RASGRF1: variants seen among roughly 807,000 people sequenced by gnomAD.
RASGRF1 encodes the protein Ras protein specific guanine nucleotide releasing factor 1.
A neutral mutation model predicts 138.7 loss-of-function variants in RASGRF1; 40 were observed. That is an observed-to-expected ratio of 0.29 (90% CI 0.22 to 0.38). RASGRF1 has a LOEUF of 0.38. Among genes scored for constraint, RASGRF1 ranks in the 10% least tolerant of loss-of-function variants. The probability of loss-of-function intolerance (pLI) is 1.00; values close to 1 mark genes in which losing one functional copy is unlikely to be tolerated. For synonymous variants in RASGRF1, 614 were observed against 663.2 expected, an observed-to-expected ratio of 0.93 and a Z score of 1.14; for missense variants, 1,108 against 1,650.4, an observed-to-expected ratio of 0.67 and a Z score of 5.69.
chr15:79,060,641 T>A (rs2057591446), intron 2 of RASGRF1, among the ~76,000 whole-genome samples: 1 of 152,180 alleles, frequency 6.6e-6, no homozygotes, highest in Admixed American at 6.5e-5. Flanking sequence ...CATAAGCACA[T>A]GATGAACTGT....
chr15:79,059,788 CAT>C (rs1327344592), intron 2 of RASGRF1, among the ~76,000 whole-genome samples: 2 of 152,172 alleles, frequency 1.3e-5, no homozygotes, highest in Non-Finnish European at 2.9e-5. Context: ...GAATATTATA[CAT>C]ACAGCGCGAG....
At chr15:79,059,964 T>TCA (rs1469119649) in intron 2 of RASGRF1, among the ~76,000 whole-genome samples, 13 of 124,256 alleles carry the variant, frequency 1.0e-4, no homozygotes, top group Non-Finnish European at 2.2e-4. Flanking sequence ...ACTGATACAC[T>TCA]CACACACACA....
intron 8 of RASGRF1, among the ~76,000 whole-genome samples, 172 bp downstream of exon 8, chr15:79,031,214 GCTTGAGTTGTAACC>G (rs2057131783): frequency 6.6e-6 from 1 of 152,162 alleles, no homozygotes; most frequent in Admixed American, 6.5e-5. Flanking sequence ...GCCTACCGGG[GCTTGAGTTGTAACC>G]CCCTCAGGAC....
chr15:79,061,431 T>C lies in RASGRF1; in HGVS notation c.384-2950A>G, dbSNP rs533018225. Among the ~76,000 whole-genome samples the C allele has an allele frequency of 4.1e-5, 6 of 144,622 alleles. 1 individual carries two copies. The South Asian group carries it at 1.3e-3, about 32-fold the overall frequency. The allele number at this position is 144,622 out of a possible 152,430, so 94.9% of individuals were successfully genotyped here. A position where few individuals can be genotyped will look rare whatever the true frequency, so the allele number is the denominator to read the frequency against. ...TCTTTAAAATATATATATATATATA[T>C]CATTCATTTTTAAAATTTGAGGTTT... is the stretch of plus-strand genomic sequence containing the variant. On this transcript the variant is annotated intron_variant, in intron 2 of 26. Coordinates refer to ENST00000558480, the MANE Select transcript of RASGRF1 (RefSeq NM_001145648.3).
chr15:79,044,766 T>C (rs2057337318), intron 5 of RASGRF1, among the ~76,000 whole-genome samples: 2 of 152,222 alleles, frequency 1.3e-5, no homozygotes, highest in Non-Finnish European at 2.9e-5. Flanking sequence ...CCCTTTCCTC[T>C]TTCTCATTTG....
Position 79,006,427 on chromosome 15 carries a change from C to T in RASGRF1, c.1834G>A (p.Ala612Thr), listed in dbSNP as rs371488660. 54 of 1,610,824 alleles carry T rather than the reference C, an allele frequency of 3.4e-5. 1 individual carries two copies. Among genetic ancestry groups the T allele is most frequent in the African/African-American group, 1.7e-4 (13 of 74,876 alleles). ...VTVPQMIKSD[A>T]SLYCDDVDIR... Reference sequence around the variant, plus strand: ...TCAACATCATCACAATATAAGGAGGCGTCGGACCTGAGAGGGGAGGAAGGA... The same window carrying T: ...TCAACATCATCACAATATAAGGAGGTGTCGGACCTGAGAGGGGAGGAAGGA... Residue 612 changes from alanine (A) to threonine (T), a missense_variant, in exon 14 of 27, where the codon GCC becomes ACC. This residue lies in a region of RASGRF1 where 686 missense variants were observed against 976.7 expected (regional missense o/e 0.70). Transcript: ENST00000558480. This position sits in a 1 kb window ranked among gnomAD's most constrained non-coding sequence, Gnocchi z 4.0.
intron 1 of RASGRF1, among the ~76,000 whole-genome samples, chr15:79,086,996 C>T (rs982063192): frequency 6.6e-6 from 1 of 152,164 alleles, no homozygotes. Flanking sequence ...CTTGCAGCTG[C>T]CAGATGGAAT....
chr15:79,033,459 C>T (rs920765862), intron 6 of RASGRF1, among the ~76,000 whole-genome samples: 17 of 151,932 alleles, frequency 1.1e-4, no homozygotes, highest in Admixed American at 7.2e-4. Context: ...CCACGTTGGC[C>T]AGGATGGTCT....
Position 79,025,394 on chromosome 15 carries a change from C to A in RASGRF1, c.1462G>T (p.Gly488Cys). Residue 488 changes from glycine to cysteine, a missense_variant, in exon 10 of 27, where the codon GGC (glycine) becomes TGC (cysteine). Around this residue, in one of 3 missense-constraint regions of RASGRF1, gnomAD observed 169 missense variants for 344.2 expected, o/e 0.49. Coordinates refer to ENST00000558480, the MANE Select transcript of RASGRF1 (RefSeq NM_001145648.3). ...GAAAACAGGAAGCACTGTCGCTCGCCCTCTTTCTTTAGGGAGAGAGACCCC... is the reference window on the plus strand; with the variant it reads ...GAAAACAGGAAGCACTGTCGCTCGCACTCTTTCTTTAGGGAGAGAGACCCC... Reference protein sequence around the residue: ...RLGSLSLKKEGERQCFLFSKH... With the variant: ...RLGSLSLKKECERQCFLFSKH... The A allele has an allele frequency of 6.2e-7, 1 of 1,614,046 alleles. No homozygotes were observed. Among genetic ancestry groups the A allele is most frequent in the South Asian group, 1.1e-5 (1 of 91,066 alleles).
intron 13 of RASGRF1, among the ~76,000 whole-genome samples, chr15:79,011,579 C>T (rs1296832582): frequency 6.6e-6 from 1 of 152,170 alleles, no homozygotes; most frequent in Admixed American, 6.5e-5. Flanking sequence ...TAGCTGTTCT[C>T]CAGGTGAACT....
chr15:79,072,742 A>G (rs2057779144), intron 1 of RASGRF1, among the ~76,000 whole-genome samples: 1 of 152,166 alleles, frequency 6.6e-6, no homozygotes, highest in African/African-American at 2.4e-5. Context: ...CAGAGTTACA[A>G]GGTTGGGCAG....
intron 12 of RASGRF1, 84 bp from the exon 13 acceptor site, chr15:79,015,493 C>A: frequency 7.9e-7 from 1 of 1,259,926 alleles, no homozygotes; most frequent in South Asian, 1.2e-5. Flanking sequence ...CTGTAAAGTT[C>A]ACATGCCTCA....
intron 10 of RASGRF1, among the ~76,000 whole-genome samples, chr15:79,020,342 C>T (rs2056943016): frequency 6.6e-6 from 1 of 152,212 alleles, no homozygotes; most frequent in Admixed American, 6.5e-5. Flanking sequence ...GAGGCCTTCC[C>T]CAAACCAAGG....
intron 26 of RASGRF1, among the ~76,000 whole-genome samples, chr15:78,971,549 G>A (rs556720360): frequency 6.6e-6 from 1 of 152,254 alleles, no homozygotes; most frequent in South Asian, 2.1e-4. Flanking sequence ...TTATATCTGT[G>A]GATTTTGTAA....
At chr15:79,042,275 C>G (rs1405251724) in intron 5 of RASGRF1, among the ~76,000 whole-genome samples, 2 of 152,222 alleles carry the variant, frequency 1.3e-5, no homozygotes, top group African/African-American at 4.8e-5. Flanking sequence ...CACCAGGTTT[C>G]TAATGTGGCT....
intron 1 of RASGRF1, among the ~76,000 whole-genome samples, chr15:79,079,497 T>C (rs1457766754): frequency 1.4e-5 from 2 of 147,992 alleles, no homozygotes; most frequent in African/African-American, 4.9e-5. Flanking sequence ...CACCATGGAA[T>C]ACTATAGAGC....
intron 12 of RASGRF1, among the ~76,000 whole-genome samples, chr15:79,016,506 C>T (rs1280438379): frequency 6.6e-6 from 1 of 152,340 alleles, no homozygotes; most frequent in East Asian, 1.9e-4. Flanking sequence ...CCACCTTGAC[C>T]CCTTCACTGG....
chr15:79,052,404 C>T (rs537250182), intron 3 of RASGRF1, among the ~76,000 whole-genome samples: 8 of 152,336 alleles, frequency 5.3e-5, no homozygotes, highest in Admixed American at 4.6e-4. Context: ...CAGCTCAGCT[C>T]TCTCTCCTGC....
chr15:78,974,374 C>T (rs1244717879), intron 24 of RASGRF1, among the ~76,000 whole-genome samples: 1 of 152,170 alleles, frequency 6.6e-6, no homozygotes, highest in Non-Finnish European at 1.5e-5. Context: ...CTCTTTGTGG[C>T]CACCTGGCAA....
Sources: gnomAD v4.1 joint callset for allele counts (sites outside exome capture counted in the v4.1 genomes callset) on GRCh38, gnomAD v4.1.1 for gene constraint, gnomAD v4.1.1 regional missense constraint, Gnocchi (gnomAD v3.1) non-coding constraint, MANE v1.5 for transcripts, NCBI Gene and HGNC (gene_info 2026-07-23, HGNC 2026-07-21) for gene names.